RELN: variants seen among roughly 807,000 people sequenced by gnomAD.
RELN encodes the protein reelin.
In RELN, 108 loss-of-function variants were observed where a neutral mutation model predicts 427.6. The ratio of observed to expected loss-of-function variants is 0.25; its 90% CI spans 0.22 to 0.30. The LOEUF (loss-of-function observed/expected upper bound fraction) is 0.30, where lower values mean the gene tolerates loss of function less well. Among genes scored for constraint, RELN ranks in the 10% least tolerant of loss-of-function variants. The probability of loss-of-function intolerance (pLI) is 1.00; values close to 1 mark genes in which losing one functional copy is unlikely to be tolerated. For synonymous variants in RELN, 1,524 were observed against 1,513.4 expected, an observed-to-expected ratio of 1.01 and a Z score of -0.16; for missense variants, 3,715 against 4,302.8, an observed-to-expected ratio of 0.86 and a Z score of 3.82.
chr7:103,667,654 T>C (rs1211616243), intron 11 of RELN, among the ~76,000 whole-genome samples: 4 of 152,222 alleles, frequency 2.6e-5, no homozygotes, highest in Non-Finnish European at 5.9e-5. Flanking sequence ...GTAGTTTTAC[T>C]AAATTTCATT....
chr7:103,862,928 A>G (rs1794106041), intron 2 of RELN, among the ~76,000 whole-genome samples: 1 of 152,168 alleles, frequency 6.6e-6, no homozygotes, highest in African/African-American at 2.4e-5. Flanking sequence ...AGGGAGAGCC[A>G]CATATTGAAG....
chr7:103,859,002 T>A (rs538440634), intron 2 of RELN, among the ~76,000 whole-genome samples: 1 of 152,286 alleles, frequency 6.6e-6, no homozygotes, highest in South Asian at 2.1e-4. Flanking sequence ...AATTCCATAT[T>A]TTCAGCTCTT....
At chr7:103,703,916 T>C (rs1448226903) in intron 8 of RELN, among the ~76,000 whole-genome samples, 2 of 152,218 alleles carry the variant, frequency 1.3e-5, no homozygotes, top group Non-Finnish European at 2.9e-5. Context: ...ACTTCATTTT[T>C]ACCCACAACA....
intron 51 of RELN, among the ~76,000 whole-genome samples, chr7:103,505,261 T>C (rs551660268): frequency 4.6e-5 from 7 of 152,314 alleles, no homozygotes; most frequent in African/African-American, 1.7e-4. Context: ...GACCCCTGTG[T>C]ATCCTGATTG....
intron 2 of RELN, among the ~76,000 whole-genome samples, chr7:103,889,647 G>T (rs1794801857): frequency 6.6e-6 from 1 of 152,136 alleles, no homozygotes; most frequent in Non-Finnish European, 1.5e-5. Context: ...CCACCTGACA[G>T]ATTGAGAAAG....
At chr7:103,475,719 A>G (rs982484279) in intron 64 of RELN, among the ~76,000 whole-genome samples, 1 of 152,200 alleles carries the variant, frequency 6.6e-6, no homozygotes, top group Non-Finnish European at 1.5e-5. Context: ...CAACGTCTCC[A>G]TATAATTATT....
In RELN at chr7:103,626,779, G is replaced by A. The variant is rs962738464; in HGVS notation, c.2702+3161C>T. Among the ~76,000 whole-genome samples the A allele has an allele frequency of 1.3e-5, 2 of 152,066 alleles. No individual in the cohort carries two copies. Among genetic ancestry groups the A allele is most frequent in the Non-Finnish European group, 2.9e-5 (2 of 67,980 alleles). On this transcript the variant is annotated intron_variant, in intron 20 of 64. Transcript: ENST00000428762. The surrounding 1 kb of genome is among the most constrained non-coding windows in gnomAD (Gnocchi z 4.4). ...GGTATTATCACTAATAGTATTAGATGCAATATTTAATAAACTTCAATTAGA... is the reference window on the plus strand; with the variant it reads ...GGTATTATCACTAATAGTATTAGATACAATATTTAATAAACTTCAATTAGA...
chr7:103,800,634 A>G lies in RELN; in HGVS notation c.474-24007T>C, dbSNP rs535201754. Among the ~76,000 whole-genome samples the G allele has an allele frequency of 2.6e-5, 4 of 152,344 alleles. No homozygotes were observed. In the East Asian group the frequency reaches 7.7e-4, roughly 29 times the overall value. The stretch of plus-strand genomic sequence containing the variant: ...CCTAAAACCATAAAAACCCTAGAAG[A>G]AAACCTAGGCAATACAATTCAGGAC... On this transcript the variant is annotated intron_variant, in intron 3 of 64. Transcript: ENST00000428762.
At chr7:103,972,185 T>C (rs7785983) in intron 1 of RELN, among the ~76,000 whole-genome samples, 106,429 of 152,220 alleles carry the variant, frequency 0.7, 37,782 homozygotes, top group African/African-American at 0.82. Context: ...TGCATCCATA[T>C]ACTGTAATAC....
chr7:103,961,718 A>T (rs1005976229), intron 1 of RELN, among the ~76,000 whole-genome samples: 4 of 152,174 alleles, frequency 2.6e-5, no homozygotes, highest in Non-Finnish European at 5.9e-5. Flanking sequence ...AGGCCTTGGG[A>T]AAGTCACTTA....
At chr7:103,892,277 T>C (rs1794867437) in intron 2 of RELN, among the ~76,000 whole-genome samples, 2 of 152,168 alleles carry the variant, frequency 1.3e-5, no homozygotes, top group Non-Finnish European at 2.9e-5. Context: ...GAGCAAAGCC[T>C]TCCATGCTGA....
At chr7:103,531,665 C>T (rs1361808457) in intron 46 of RELN, among the ~76,000 whole-genome samples, 2 of 152,166 alleles carry the variant, frequency 1.3e-5, no homozygotes, top group East Asian at 3.8e-4. Context: ...ACTGCCTGTA[C>T]CATCGGCATT....
intron 2 of RELN, among the ~76,000 whole-genome samples, chr7:103,904,215 A>G (rs575038027): frequency 6.6e-5 from 10 of 152,216 alleles, no homozygotes; most frequent in African/African-American, 2.2e-4. Flanking sequence ...ACAGTATTCC[A>G]TAGTGTATAT....
At chr7:103,540,532 G>C (rs777931655) in intron 43 of RELN, 77 bp from the exon 44 acceptor site, 12 of 1,381,492 alleles carry the variant, frequency 8.7e-6, no homozygotes, top group Non-Finnish European at 1.2e-5. Flanking sequence ...AAGCACATGG[G>C]GTAATGCAGG....
chr7:103,491,848 T>TCACA (rs1216428915), intron 58 of RELN, 105 bp downstream of exon 58: 137 of 581,620 alleles, frequency 2.4e-4, no homozygotes, highest in South Asian at 9.9e-4. Flanking sequence ...TCTCTCTCTC[T>TCACA]CTCTCTCTCA....
chr7:103,779,719 T>C (rs990553312), intron 3 of RELN, among the ~76,000 whole-genome samples: 1 of 152,080 alleles, frequency 6.6e-6, no homozygotes, highest in Non-Finnish European at 1.5e-5. Context: ...CAGGGAGTGA[T>C]TTTCTTTTTT....
At chr7:103,940,791 G>A (rs1003500584) in intron 1 of RELN, among the ~76,000 whole-genome samples, 5 of 152,330 alleles carry the variant, frequency 3.3e-5, no homozygotes, top group African/African-American at 1.2e-4. Context: ...AATGGATTCA[G>A]AGAAGAGATA....
At chr7:103,967,744 C>T (rs1213573632) in intron 1 of RELN, among the ~76,000 whole-genome samples, 1 of 152,180 alleles carries the variant, frequency 6.6e-6, no homozygotes, top group African/African-American at 2.4e-5. Context: ...AAACTTTTCC[C>T]ACAAGTCTCT....
intron 43 of RELN, 89 bp from the exon 44 acceptor site, chr7:103,540,544 G>C: frequency 8.3e-7 from 1 of 1,205,938 alleles, no homozygotes; most frequent in African/African-American, 1.5e-5. Context: ...TAATGCAGGG[G>C]AACGAAAGGC....
Sources: allele counts gnomAD v4.1 joint callset (sites outside exome capture counted in the v4.1 genomes callset), GRCh38; gene constraint gnomAD v4.1.1; non-coding constraint Gnocchi (gnomAD v3.1); transcripts MANE v1.5; gene names NCBI Gene and HGNC (gene_info 2026-07-23, HGNC 2026-07-21).